ATG16L1: variants seen among roughly 807,000 people sequenced by gnomAD.
ATG16L1 encodes the protein autophagy related 16 like 1, also known as autophagy-related protein 16-1.
In ATG16L1, 37 loss-of-function variants were observed where a neutral mutation model predicts 88.5. That is an observed-to-expected ratio of 0.42 (90% confidence interval 0.32 to 0.55). ATG16L1 has a LOEUF of 0.55. Among genes scored for constraint, ATG16L1 ranks in the 20% least tolerant of loss-of-function variants. ATG16L1 has a pLI of 0.13. For synonymous variants in ATG16L1, 301 were observed against 281.0 expected, an observed-to-expected ratio of 1.07 and a Z score of -0.71; for missense variants, 554 against 752.8, an observed-to-expected ratio of 0.74 and a Z score of 3.09.
chr2:233,269,020 A>G (rs1260095859), intron 5 of ATG16L1, among the ~76,000 whole-genome samples: 3 of 152,244 alleles, frequency 2.0e-5, no homozygotes, highest in Middle Eastern at 3.2e-3. Context: ...GAGTAAGGTC[A>G]GGGTTAGGAG....
rs1699729960 is a variant in ATG16L1, at chr2:233,295,279, G to A, written c.*929G>A. The stretch of plus-strand genomic sequence containing the variant: ...AGCAGCGCCATCTTTCCGTTTCAGG[G>A]GTTGTGATGAAGGCCAAGGAAAAAC... On this transcript the variant is annotated 3_prime_UTR_variant, in exon 18 of 18. Coordinates refer to ENST00000392017, the MANE Select transcript of ATG16L1 (RefSeq NM_030803.7). 1 of 152,768 alleles carries A rather than the reference G, an allele frequency of 6.5e-6. No homozygotes were observed. Among genetic ancestry groups the A allele is most frequent in the African/African-American group, 2.4e-5 (1 of 41,438 alleles). 9.5% of individuals were successfully genotyped at this position (152,768 alleles called of 1,614,324 possible).
At chr2:233,253,904 G>A (rs1306416397) in intron 1 of ATG16L1, among the ~76,000 whole-genome samples, 1 of 152,176 alleles carries the variant, frequency 6.6e-6, no homozygotes, top group East Asian at 1.9e-4. Flanking sequence ...CTTATTAGGT[G>A]CTTATGCTTT....
rs1280319771 is a variant in ATG16L1 at position 233,266,897 on chromosome 2, G to A, written c.641+1754G>A. On this transcript the variant is annotated intron_variant, in intron 5 of 17. Transcript: ENST00000392017. ...CCAGGCACAGGAAGGCAGATACTGC[G>A]TGCTTCTACATGTGGGGCTAAAAGA... Among the ~76,000 whole-genome samples, 5 of 152,310 alleles carry A rather than the reference G, an allele frequency of 3.3e-5. No individual in the cohort carries two copies. In the South Asian group the frequency reaches 6.2e-4, roughly 19 times the overall value.
chr2:233,288,312 C>A (rs896252557), intron 12 of ATG16L1, among the ~76,000 whole-genome samples: 4 of 152,170 alleles, frequency 2.6e-5, no homozygotes, highest in African/African-American at 9.7e-5. Context: ...GAGGTCTCAT[C>A]TTTGGGAACT....
intron 11 of ATG16L1, 126 bp from the exon 12 acceptor site, chr2:233,282,555 TC>T (rs142249722): frequency 0.012 from 9,179 of 792,396 alleles, 78 homozygotes; most frequent in Admixed American, 0.026. Context: ...TAGCTGGTAT[TC>T]AGGCTGGTTG....
Position 233,290,302 on chromosome 2 carries a change from A to G in ATG16L1, c.1379A>G (p.Gln460Arg). The G allele has an allele frequency of 6.2e-7, 1 of 1,614,192 alleles. No individual in the cohort carries two copies. Among genetic ancestry groups the G allele is most frequent in the Non-Finnish European group, 8.5e-7 (1 of 1,180,038 alleles). Residue 460 changes from glutamine (Q) to arginine (R), a missense_variant, in exon 14 of 18, where the codon CAA becomes CGA. Gln to Arg is a conservative substitution (Grantham distance 43). This residue lies in a region of ATG16L1 where 370 missense variants were observed against 509.7 expected (regional missense o/e 0.73). Coordinates refer to ENST00000392017, the MANE Select transcript of ATG16L1 (RefSeq NM_030803.7). ...SSCNDIVCTE[Q>R]CVMSGHFDKK... ...TGCAATGATATTGTCTGCACAGAGC[A>G]ATGTGTAATGAGTGGACATTTTGAC...
chr2:233,278,800 G>A (rs1002609747), intron 10 of ATG16L1, among the ~76,000 whole-genome samples: 1 of 152,122 alleles, frequency 6.6e-6, no homozygotes, highest in Admixed American at 6.5e-5. Flanking sequence ...TCAGGAAAGG[G>A]ACTCAGCAGT....
chr2:233,284,196 T>C (rs1698921861), intron 12 of ATG16L1, among the ~76,000 whole-genome samples: 2 of 151,206 alleles, frequency 1.3e-5, no homozygotes. Context: ...TTGCCCAGGC[T>C]GGAGTGCAAT....
intron 6 of ATG16L1, among the ~76,000 whole-genome samples, chr2:233,272,381 CAA>C (rs1251805180): frequency 6.6e-6 from 1 of 152,146 alleles, no homozygotes; most frequent in African/African-American, 2.4e-5. Flanking sequence ...TGCGCAGAGT[CAA>C]AAATGCATAG....
At chr2:233,259,697 C>T (rs773296167) in intron 2 of ATG16L1, among the ~76,000 whole-genome samples, 3 of 152,154 alleles carry the variant, frequency 2.0e-5, no homozygotes, top group Non-Finnish European at 2.9e-5. Context: ...TTCTTTGTTT[C>T]CATTCACAGT....
At chr2:233,274,800 A>G (rs370256434) in intron 9 of ATG16L1, 22 bp downstream of exon 9, 28 of 1,564,378 alleles carry the variant, frequency 1.8e-5, no homozygotes, top group Non-Finnish European at 2.5e-5. Context: ...TCAGCCCCGA[A>G]CCCTACCACG....
chr2:233,252,811 ATGTT>A (rs1232548889), intron 1 of ATG16L1, among the ~76,000 whole-genome samples: 19 of 152,214 alleles, frequency 1.2e-4, no homozygotes, highest in African/African-American at 4.3e-4. Flanking sequence ...GGGTACAAAA[ATGTT>A]TGTACCTTTA....
chr2:233,273,491 T>A, intron 7 of ATG16L1: 1 of 543,874 alleles, frequency 1.8e-6, no homozygotes, highest in Non-Finnish European at 3.2e-6. Flanking sequence ...CCAGGGAAAT[T>A]AATTTAATAC....
chr2:233,293,472 C>T lies in ATG16L1; in HGVS notation c.1730+115C>T, dbSNP rs1699603560. The T allele has an allele frequency of 1.7e-5, 16 of 943,842 alleles. No homozygotes were observed. In the South Asian group the frequency reaches 2.0e-4, roughly 12 times the overall value. The allele number at this position is 943,842 out of a possible 1,614,324, so 58.5% of individuals were successfully genotyped here. Reference sequence around the variant, plus strand: ...GCGCTGTGAGGGCACTGTCCGCCCACCTGCTCGGCTGGCTGAGCTAGGTCA... The same window carrying T: ...GCGCTGTGAGGGCACTGTCCGCCCATCTGCTCGGCTGGCTGAGCTAGGTCA... On this transcript the variant is annotated intron_variant, in intron 17 of 17. Coordinates refer to ENST00000392017, the MANE Select transcript of ATG16L1 (RefSeq NM_030803.7).
intron 12 of ATG16L1, among the ~76,000 whole-genome samples, chr2:233,289,200 A>C (rs576563101): frequency 6.6e-5 from 10 of 152,306 alleles, no homozygotes; most frequent in South Asian, 4.1e-4. Flanking sequence ...GGAGCACGTG[A>C]AGCTTGGTGC....
chr2:233,252,313 A>G (rs1223749643), intron 1 of ATG16L1, among the ~76,000 whole-genome samples: 1 of 152,116 alleles, frequency 6.6e-6, no homozygotes, highest in African/African-American at 2.4e-5. Context: ...TGCCTTCTCA[A>G]TGCACTGGAA....
In ATG16L1 at chr2:233,263,981, T is replaced by C; in HGVS notation, c.316-11T>C. 1.2e-6 allele frequency: 2 copies of C among 1,613,424 alleles called. No homozygotes were observed. Among genetic ancestry groups the C allele is most frequent in the Non-Finnish European group, 1.7e-6 (2 of 1,179,556 alleles). On this transcript the variant is annotated splice_polypyrimidine_tract_variant and intron_variant, in intron 3 of 17. Coordinates refer to ENST00000392017, the MANE Select transcript of ATG16L1 (RefSeq NM_030803.7). Reference sequence around the variant, plus strand: ...TTTTTATTTATGAAAGTATTCTTCTTTATCTCCCAGTTAGCTCAACTGGTG... The same window carrying C: ...TTTTTATTTATGAAAGTATTCTTCTCTATCTCCCAGTTAGCTCAACTGGTG...
At position 233,283,330 on chromosome 2, in the gene ATG16L1, G is replaced by C. The variant is rs577926607; in HGVS notation, c.1203+577G>C. On this transcript the variant is annotated intron_variant, in intron 12 of 17. Coordinates refer to ENST00000392017, the MANE Select transcript of ATG16L1 (RefSeq NM_030803.7). ...ATTGGGGCAGGGGGCGGAGGGCGAAGCATGTAACTTAATTTGCAGACATTT... is the reference window on the plus strand; with the variant it reads ...ATTGGGGCAGGGGGCGGAGGGCGAACCATGTAACTTAATTTGCAGACATTT... Among the ~76,000 whole-genome samples the C allele has an allele frequency of 1.2e-4, 19 of 152,102 alleles. No homozygotes were observed. In the South Asian group the frequency reaches 3.5e-3, roughly 28 times the overall value.
intron 12 of ATG16L1, among the ~76,000 whole-genome samples, chr2:233,289,185 G>T (rs553415398): frequency 6.6e-6 from 1 of 152,290 alleles, no homozygotes; most frequent in South Asian, 2.1e-4. Context: ...CAAGATTGAG[G>T]ATGGGGAGCA....
Sources: gnomAD v4.1 joint callset for allele counts (sites outside exome capture counted in the v4.1 genomes callset) on GRCh38, gnomAD v4.1.1 for gene constraint, gnomAD v4.1.1 regional missense constraint, MANE v1.5 for transcripts, NCBI Gene and HGNC (gene_info 2026-07-23, HGNC 2026-07-21) for gene names.